Variants in CDH11 observed in about 807,000 individuals in gnomAD.
The protein encoded by CDH11 is cadherin-11.
A neutral mutation model predicts 67.8 loss-of-function variants in CDH11; 11 were observed. That is an observed-to-expected ratio of 0.16 (90% CI 0.10 to 0.27). The LOEUF (loss-of-function observed/expected upper bound fraction) is 0.27, where lower values mean the gene tolerates loss of function less well. CDH11 is among the 10% of genes least tolerant of loss of function. CDH11 has a pLI of 1.00. For synonymous variants in CDH11, 419 were observed against 400.0 expected (o/e 1.05, Z -0.57); for missense variants, 847 against 1,031.2 (o/e 0.82, Z 2.45).
intron 2 of CDH11, among the ~76,000 whole-genome samples, chr16:65,042,147 G>C (rs533839263): frequency 6.6e-6 from 1 of 152,314 alleles, no homozygotes; most frequent in East Asian, 1.9e-4. Flanking sequence ...TACTAGTATG[G>C]ATGGCGCTGC....
chr16:64,972,711 A>G (rs2072042311), intron 9 of CDH11, among the ~76,000 whole-genome samples, 193 bp downstream of exon 9: 1 of 152,214 alleles, frequency 6.6e-6, no homozygotes, highest in South Asian at 2.1e-4. Flanking sequence ...CAGTTCTGTC[A>G]GAGAAAACAA....
chr16:64,984,612 A>G (rs2072439157), intron 7 of CDH11: 1 of 152,218 alleles, frequency 6.6e-6, no homozygotes, highest in African/African-American at 2.4e-5. Flanking sequence ...ACCAAAACAA[A>G]CAATATTCAA....
intron 2 of CDH11, among the ~76,000 whole-genome samples, chr16:65,036,840 G>T (rs1402155428): frequency 6.6e-6 from 1 of 152,110 alleles, no homozygotes; most frequent in African/African-American, 2.4e-5. Flanking sequence ...GTCCCATACT[G>T]TTTGCAAACA....
intron 1 of CDH11, among the ~76,000 whole-genome samples, chr16:65,093,210 CT>C (rs35724614): frequency 0.02 from 2,351 of 119,080 alleles, 53 homozygotes; most frequent in African/African-American, 0.061. Context: ...TGTTGGGTTC[CT>C]TTTTTTTTTT....
At chr16:64,999,098 C>A (rs536592788) in intron 3 of CDH11, among the ~76,000 whole-genome samples, 1 of 152,110 alleles carries the variant, frequency 6.6e-6, no homozygotes, top group South Asian at 2.1e-4. Context: ...AAGATTCATG[C>A]TCTCCTTTCA....
intron 2 of CDH11, among the ~76,000 whole-genome samples, chr16:65,047,334 T>G (rs992035048): frequency 1.3e-5 from 2 of 151,662 alleles, no homozygotes; most frequent in East Asian, 1.9e-4. Flanking sequence ...CTTTTTCACC[T>G]TTTAATTTTT....
intron 1 of CDH11, among the ~76,000 whole-genome samples, chr16:65,067,246 G>A (rs924669891): frequency 6.6e-6 from 1 of 151,450 alleles, no homozygotes; most frequent in African/African-American, 2.4e-5. Flanking sequence ...TGAATCCTTT[G>A]AATTTTTACA....
At chr16:64,974,335 T>C (rs1264032827) in intron 8 of CDH11, among the ~76,000 whole-genome samples, 2 of 152,108 alleles carry the variant, frequency 1.3e-5, no homozygotes, top group East Asian at 3.9e-4. Context: ...TTTCCCAAAA[T>C]TTACAAAATG....
rs1382544938 is a variant in CDH11 at position 64,973,056 on chromosome 16, A to G, written c.1254-16T>C. On this transcript the variant is annotated splice_polypyrimidine_tract_variant and intron_variant, in intron 8 of 12. Transcript: ENST00000268603. ...GATGGAATACCTAAGCAGAATGCAAATGAGGCAATTAGACCAAGACATTCA... is the reference window on the plus strand; with the variant it reads ...GATGGAATACCTAAGCAGAATGCAAGTGAGGCAATTAGACCAAGACATTCA... The G allele has an allele frequency of 9.3e-6, 15 of 1,612,134 alleles. No homozygotes were observed. Among genetic ancestry groups the G allele is most frequent in the Non-Finnish European group, 1.2e-5 (14 of 1,179,114 alleles).
At chr16:65,091,161 T>C (rs2074785950) in intron 1 of CDH11, among the ~76,000 whole-genome samples, 2 of 152,192 alleles carry the variant, frequency 1.3e-5, no homozygotes, top group Admixed American at 6.5e-5. Context: ...TACAACTCCT[T>C]TGTAATACTT....
intron 2 of CDH11, among the ~76,000 whole-genome samples, chr16:65,032,712 T>C (rs2073668707): frequency 6.6e-6 from 1 of 152,234 alleles, no homozygotes; most frequent in Admixed American, 6.5e-5. Flanking sequence ...TGATTTCCCC[T>C]GATTTGTACT....
intron 2 of CDH11, among the ~76,000 whole-genome samples, chr16:65,053,018 C>T (rs9926001): frequency 0.068 from 10,397 of 152,052 alleles, 1,209 homozygotes; most frequent in African/African-American, 0.24. Flanking sequence ...CTGGATTTGA[C>T]GTACATATTT....
Position 64,945,098 on chromosome 16 carries a change from A to G in CDH11, c.*2505T>C, listed in dbSNP as rs1016838535. 3 of 204,754 alleles carry G rather than the reference A, an allele frequency of 1.5e-5. No homozygotes were observed. Among genetic ancestry groups the G allele is most frequent in the Non-Finnish European group, 3.0e-5 (3 of 100,112 alleles). The allele number at this position is 204,754 out of a possible 1,614,324, so 12.7% of individuals were successfully genotyped here. On this transcript the variant is annotated 3_prime_UTR_variant, in exon 13 of 13. Coordinates refer to ENST00000268603, the MANE Select transcript of CDH11 (RefSeq NM_001797.4). ...ATAACCATTACTTGAGGAAAAGAACAGAAGCATGTTCCTTCTTTTAGCTGC... is the reference window on the plus strand; with the variant it reads ...ATAACCATTACTTGAGGAAAAGAACGGAAGCATGTTCCTTCTTTTAGCTGC...
In CDH11 at chr16:64,993,042, G is replaced by A. The variant is rs763704972; in HGVS notation, c.524-8C>T. ...CCTGGATTACTGACGTTCCTTAAAAGTGAAATAAATTAATTAGCAACATCT... is the reference window on the plus strand; with the variant it reads ...CCTGGATTACTGACGTTCCTTAAAAATGAAATAAATTAATTAGCAACATCT... On this transcript the variant is annotated splice_region_variant and splice_polypyrimidine_tract_variant and intron_variant, in intron 4 of 12. Transcript: ENST00000268603. 3.1e-6 allele frequency: 5 copies of A among 1,606,826 alleles called. No homozygotes were observed. The highest frequency in any genetic ancestry group is 4.3e-6 in the Non-Finnish European group (5 of 1,173,920).
At position 65,116,459 on chromosome 16, in the gene CDH11, A is replaced by G. The variant is rs150690968; in HGVS notation, c.-298+5421T>C. ...CAGGCCATTTTCTTCAAGAGAGCTG[A>G]ATGTGGAGAGCTAACTTTAATTTGT... On this transcript the variant is annotated intron_variant, in intron 1 of 12. Coordinates refer to ENST00000268603, the MANE Select transcript of CDH11 (RefSeq NM_001797.4). 4.0e-3 allele frequency among the ~76,000 whole-genome samples: 616 copies of G among 152,288 alleles called. 6 individuals carry two copies. Among genetic ancestry groups the G allele is most frequent in the African/African-American group, 0.014 (586 of 41,564 alleles).
chr16:65,025,458 T>C (rs559416560), intron 2 of CDH11, among the ~76,000 whole-genome samples: 1 of 152,286 alleles, frequency 6.6e-6, no homozygotes, highest in South Asian at 2.1e-4. Flanking sequence ...TTCTCCTGCC[T>C]CAGCCTCCTG....
chr16:65,021,893 A>AAG (rs58279343), intron 2 of CDH11, among the ~76,000 whole-genome samples: 2 of 145,744 alleles, frequency 1.4e-5, no homozygotes, highest in Admixed American at 1.4e-4. Context: ...AAAAAAAAAA[A>AAG]GAAAGAAAAT....
chr16:65,058,605 C>CAA (rs1567553827), intron 1 of CDH11, among the ~76,000 whole-genome samples: 1 of 152,106 alleles, frequency 6.6e-6, no homozygotes, highest in Non-Finnish European at 1.5e-5. Flanking sequence ...TTTTTCTTTC[C>CAA]TGTTATTGCA....
At chr16:65,078,052 T>C (rs1043768054) in intron 1 of CDH11, among the ~76,000 whole-genome samples, 2 of 152,206 alleles carry the variant, frequency 1.3e-5, no homozygotes, top group African/African-American at 4.8e-5. Flanking sequence ...CTAGCAATCC[T>C]TACCCTCCCC....
Sources: allele counts gnomAD v4.1 joint callset (sites outside exome capture counted in the v4.1 genomes callset), GRCh38; gene constraint gnomAD v4.1.1; transcripts MANE v1.5; gene names NCBI Gene and HGNC (gene_info 2026-07-23, HGNC 2026-07-21).